Variants in PELI2 observed in about 807,000 individuals in gnomAD.
PELI2 encodes E3 ubiquitin-protein ligase pellino homolog 2.
In PELI2, 23 loss-of-function variants were observed where a neutral mutation model predicts 42.3. The observed-to-expected ratio is 0.54, with a 90% CI of 0.39 to 0.77. The LOEUF (loss-of-function observed/expected upper bound fraction) is 0.77. Ranked by LOEUF, PELI2 falls within the 30% of genes least tolerant of loss-of-function variation. The probability of loss-of-function intolerance (pLI) is 0.00; values close to 1 mark genes in which losing one functional copy is unlikely to be tolerated. For missense variants in PELI2, 463 were observed against 553.2 expected (o/e 0.84, Z 1.64); for synonymous variants, 245 against 212.2 (o/e 1.15, Z -1.34).
intron 2 of PELI2, among the ~76,000 whole-genome samples, chr14:56,255,038 G>T (rs1888478447): frequency 6.6e-6 from 1 of 152,156 alleles, no homozygotes; most frequent in South Asian, 2.1e-4. Context: ...ACTGTTGGTG[G>T]GAGTGTAAAT....
At chr14:56,269,401 C>T (rs750239848) in intron 2 of PELI2, among the ~76,000 whole-genome samples, 8 of 151,938 alleles carry the variant, frequency 5.3e-5, no homozygotes. Context: ...TGTGACTGTG[C>T]CACTGTACTC....
chr14:56,146,944 G>C (rs1884147094), intron 1 of PELI2, among the ~76,000 whole-genome samples: 1 of 152,110 alleles, frequency 6.6e-6, no homozygotes, highest in Non-Finnish European at 1.5e-5. Flanking sequence ...CCTCCTGCCA[G>C]TCTGTGGTTA....
intron 1 of PELI2, among the ~76,000 whole-genome samples, chr14:56,143,410 A>G (rs1043461659): frequency 1.3e-5 from 2 of 152,240 alleles, no homozygotes; most frequent in African/African-American, 4.8e-5. Flanking sequence ...ATTGATAAAT[A>G]TCTTGGGGGA....
At chr14:56,153,250 T>C (rs1884428134) in intron 1 of PELI2, among the ~76,000 whole-genome samples, 1 of 152,260 alleles carries the variant, frequency 6.6e-6, no homozygotes, top group African/African-American at 2.4e-5. Context: ...TGGTTTGTTA[T>C]TGGCTATAGC....
At chr14:56,250,954 G>A (rs1888323461) in intron 2 of PELI2, among the ~76,000 whole-genome samples, 1 of 152,202 alleles carries the variant, frequency 6.6e-6, no homozygotes, top group African/African-American at 2.4e-5. Context: ...GAAGAAGCTG[G>A]GAAAGAGTGC....
At chr14:56,260,813 G>A (rs766126692) in intron 2 of PELI2, among the ~76,000 whole-genome samples, 6 of 152,206 alleles carry the variant, frequency 3.9e-5, no homozygotes, top group African/African-American at 9.7e-5. Flanking sequence ...TGCAGGTTAT[G>A]AAGTTCTGTT....
intron 2 of PELI2, among the ~76,000 whole-genome samples, chr14:56,203,686 C>G (rs1050576664): frequency 6.6e-6 from 1 of 152,136 alleles, no homozygotes; most frequent in Non-Finnish European, 1.5e-5. Context: ...GCTAAGTCTG[C>G]CCTTACTGTG....
intron 2 of PELI2, among the ~76,000 whole-genome samples, chr14:56,242,488 C>T (rs1332897112): frequency 2.6e-5 from 4 of 152,178 alleles, no homozygotes; most frequent in Non-Finnish European, 4.4e-5. Context: ...GATCCAGCAA[C>T]CCCATTACTG....
intron 5 of PELI2, among the ~76,000 whole-genome samples, chr14:56,294,079 C>T (rs957596452): frequency 3.3e-5 from 5 of 152,192 alleles, no homozygotes; most frequent in Admixed American, 3.3e-4. Flanking sequence ...CAGCAAACTT[C>T]AGGCTGTCTG....
At chr14:56,194,540 C>T (rs181485369) in intron 2 of PELI2, among the ~76,000 whole-genome samples, 1 of 152,310 alleles carries the variant, frequency 6.6e-6, no homozygotes, top group Admixed American at 6.5e-5. Flanking sequence ...GATAGTGTTC[C>T]CTTCACTGCA....
intron 2 of PELI2, among the ~76,000 whole-genome samples, chr14:56,229,318 T>G (rs1275547280): frequency 6.6e-6 from 1 of 152,186 alleles, no homozygotes. Flanking sequence ...GACCCCTGAG[T>G]AGCCCAACTG....
At chr14:56,282,969 C>T (rs550938268) in intron 3 of PELI2, among the ~76,000 whole-genome samples, 7 of 152,236 alleles carry the variant, frequency 4.6e-5, no homozygotes, top group Admixed American at 1.3e-4. Flanking sequence ...TCACAATTGT[C>T]AGTGATACTT....
intron 2 of PELI2, among the ~76,000 whole-genome samples, chr14:56,260,258 A>G (rs1888666125): frequency 6.6e-6 from 1 of 152,196 alleles, no homozygotes; most frequent in Admixed American, 6.5e-5. Flanking sequence ...TGGAAATAGT[A>G]TAAATATCCT....
Position 56,118,644 on chromosome 14 carries a change from C to A in PELI2, c.-17C>A. On this transcript the variant is annotated 5_prime_UTR_variant, in exon 1 of 6. Transcript: ENST00000267460. ...GCGGCGGCGTCGGCGGCGGCGTCGG[C>A]GGCCGAGCGGGGCTCCATGTTTTCC... The A allele has an allele frequency of 7.3e-7, 1 of 1,377,810 alleles. No homozygotes were observed. Among genetic ancestry groups the A allele is most frequent in the Non-Finnish European group, 9.4e-7 (1 of 1,059,252 alleles). 85.3% of individuals were successfully genotyped at this position (1,377,810 alleles called of 1,614,324 possible).
intron 2 of PELI2, among the ~76,000 whole-genome samples, chr14:56,269,488 G>A (rs748203656): frequency 1.3e-5 from 2 of 152,116 alleles, no homozygotes; most frequent in South Asian, 4.2e-4. Flanking sequence ...GACTTAATAC[G>A]TTCTAAAACA....
chr14:56,152,078 A>G (rs1884381306), intron 1 of PELI2, among the ~76,000 whole-genome samples: 1 of 152,198 alleles, frequency 6.6e-6, no homozygotes, highest in Non-Finnish European at 1.5e-5. Flanking sequence ...AGGGAAGAGA[A>G]AGGCCAGGGA....
intron 2 of PELI2, among the ~76,000 whole-genome samples, chr14:56,225,251 A>G (rs1887303135): frequency 1.3e-5 from 2 of 152,158 alleles, no homozygotes; most frequent in Admixed American, 1.3e-4. Flanking sequence ...GAGGTGGGGC[A>G]TCAGGCTGCT....
intron 1 of PELI2, among the ~76,000 whole-genome samples, chr14:56,178,117 A>G (rs200024030): frequency 1.3e-5 from 2 of 152,252 alleles, no homozygotes; most frequent in South Asian, 2.1e-4. Context: ...TAGGAAACCT[A>G]TAATTACTTG....
At chr14:56,131,929 C>T (rs898461380) in intron 1 of PELI2, among the ~76,000 whole-genome samples, 6 of 152,182 alleles carry the variant, frequency 3.9e-5, no homozygotes, top group African/African-American at 1.4e-4. Flanking sequence ...GTGCCGAGTT[C>T]AGGAGAGAGT....
Sources: gnomAD v4.1 joint callset for allele counts (sites outside exome capture counted in the v4.1 genomes callset) on GRCh38, gnomAD v4.1.1 for gene constraint, MANE v1.5 for transcripts, NCBI Gene and HGNC (gene_info 2026-07-23, HGNC 2026-07-21) for gene names.